TECTA: variants seen among roughly 807,000 people sequenced by gnomAD.
TECTA encodes the protein alpha-tectorin.
Under a neutral mutation model 216.8 loss-of-function variants are expected in TECTA, and 128 were observed. The observed-to-expected ratio is 0.59, with a 90% CI of 0.51 to 0.68. The LOEUF (loss-of-function observed/expected upper bound fraction) is 0.68, where lower values mean the gene tolerates loss of function less well. Among genes scored for constraint, TECTA ranks in the 30% least tolerant of loss-of-function variants. The pLI is 0.00. For missense variants in TECTA, 2,551 were observed against 2,786.2 expected (o/e 0.92, Z 1.90); for synonymous variants, 1,089 against 1,117.1 (o/e 0.97, Z 0.50).
intron 3 of TECTA, among the ~76,000 whole-genome samples, chr11:121,108,745 C>G (rs990046040): frequency 6.7e-6 from 1 of 149,470 alleles, no homozygotes; most frequent in Admixed American, 6.7e-5. Flanking sequence ...ACTTACACAC[C>G]TCACCCCAGT....
In TECTA at chr11:121,113,728, T is replaced by C. The variant is rs1946468414; in HGVS notation, c.790+10T>C. 6.2e-6 allele frequency: 10 copies of C among 1,612,888 alleles called. No homozygotes were observed. Among genetic ancestry groups the C allele is most frequent in the Non-Finnish European group, 8.5e-6 (10 of 1,179,936 alleles). ...GGCTGCACCTCAAGGGGTAAAGCTT[T>C]TCCTCTGTCTGTGGCAAGGCAGGGT... On this transcript the variant is annotated intron_variant, in intron 6 of 23. Transcript: ENST00000392793. The surrounding 1 kb of genome is among the most constrained non-coding windows in gnomAD (Gnocchi z 4.2).
intron 20 of TECTA, among the ~76,000 whole-genome samples, chr11:121,187,335 G>C (rs1317914404): frequency 6.6e-6 from 1 of 152,204 alleles, no homozygotes; most frequent in Admixed American, 6.5e-5. Context: ...ACATCAAAAC[G>C]ACTCTGCAGC....
In TECTA at chr11:121,157,948, G is replaced by A. The variant is rs986278585; in HGVS notation, c.4413G>A (p.Ala1471=). 24 of 1,613,914 alleles carry A rather than the reference G, an allele frequency of 1.5e-5. No homozygotes were observed. The highest frequency in any genetic ancestry group is 2.0e-5 in the Non-Finnish European group (24 of 1,180,012). Residue 1471 remains alanine (A), a synonymous_variant, in exon 14 of 24, where the codon GCG becomes GCA. Coordinates refer to ENST00000392793, the MANE Select transcript of TECTA (RefSeq NM_005422.4). The part of the protein sequence containing the change: ...PRQCKSDEEC[A]LRNGVRGCFS... ...AATGCAAGTCAGACGAGGAGTGTGC[G>A]CTGCGCAACGGGGTGCGCGGCTGCT...
At chr11:121,158,951 C>A (rs1432191518) in intron 14 of TECTA, among the ~76,000 whole-genome samples, 1 of 152,202 alleles carries the variant, frequency 6.6e-6, no homozygotes, top group Non-Finnish European at 1.5e-5. Context: ...GACGGTGACC[C>A]AGCCTCTCAG....
intron 1 of TECTA, 58 bp from the exon 2 acceptor site, chr11:121,102,607 G>A (rs1946356174): frequency 8.7e-6 from 12 of 1,372,856 alleles, no homozygotes; most frequent in Middle Eastern, 2.0e-4. Context: ...CACACCTGGT[G>A]TTCTGTTTAC....
At chr11:121,153,171 A>G in intron 13 of TECTA, 91 bp downstream of exon 13, 1 of 1,456,078 alleles carries the variant, frequency 6.9e-7, no homozygotes, top group East Asian at 2.5e-5. Flanking sequence ...CAATTTTCCC[A>G]CTTCATTATG....
chr11:121,105,684 A>G lies in TECTA; in HGVS notation c.65-147A>G. ...GAAGATACTGCGCTGTGTATGGCCT[A>G]GGTTTAGGATGAATGACAGGGCAGT... On this transcript the variant is annotated intron_variant, in intron 2 of 23. Transcript: ENST00000392793. The surrounding 1 kb of genome is among the most constrained non-coding windows in gnomAD (Gnocchi z 5.3). The G allele has an allele frequency of 3.0e-6, 3 of 1,006,468 alleles. No homozygotes were observed. Among genetic ancestry groups the G allele is most frequent in the South Asian group, 2.7e-5 (2 of 72,754 alleles). The allele number at this position is 1,006,468 out of a possible 1,614,324, so 62.3% of individuals were successfully genotyped here.
At chr11:121,168,356 A>G in intron 19 of TECTA, 139 bp downstream of exon 19, 2 of 1,210,364 alleles carry the variant, frequency 1.7e-6, no homozygotes, top group Non-Finnish European at 2.4e-6. Flanking sequence ...AATGCTTTCA[A>G]CCAACATTGT....
chr11:121,112,801 C>G (rs1946454360), intron 4 of TECTA, among the ~76,000 whole-genome samples: 1 of 152,230 alleles, frequency 6.6e-6, no homozygotes, highest in South Asian at 2.1e-4. Context: ...AATTTTCTGT[C>G]TGGTAGAAGT....
At chr11:121,102,547 T>C in intron 1 of TECTA, 118 bp from the exon 2 acceptor site, 10 of 795,378 alleles carry the variant, frequency 1.3e-5, no homozygotes, top group South Asian at 1.1e-4. Context: ...GATGTTGTTA[T>C]GTGAATTTGT....
At chr11:121,143,717 G>GTCCCC (rs1345359809) in intron 11 of TECTA, among the ~76,000 whole-genome samples, 2 of 152,234 alleles carry the variant, frequency 1.3e-5, no homozygotes, top group East Asian at 3.8e-4. Flanking sequence ...AGAGCAGATA[G>GTCCCC]TTGAGTTTTG....
chr11:121,138,505 C>A (rs1442795590), intron 11 of TECTA, among the ~76,000 whole-genome samples: 1 of 152,202 alleles, frequency 6.6e-6, no homozygotes, highest in Non-Finnish European at 1.5e-5. Context: ...TTCTGGCCTC[C>A]CTCCGTCTCT....
Position 121,137,758 on chromosome 11 carries a change from A to G in TECTA, c.3279A>G (p.Gln1093=), listed in dbSNP as rs745822211. ...AGGAAGGTGGCCTGTACTACTGCCA[A>G]GCCCGCACCGACGCCTCCTGCATCG... ...CMEEGGLYYC[Q]ARTDASCIVS... is the part of the protein sequence containing the mutation. The change falls in exon 11 of 24, where the codon CAA becomes CAG. Residue 1093 remains glutamine (Q), a synonymous_variant. Coordinates refer to ENST00000392793, the MANE Select transcript of TECTA (RefSeq NM_005422.4). 1 of 1,614,176 alleles carries G rather than the reference A, an allele frequency of 6.2e-7. No homozygotes were observed. The highest frequency in any genetic ancestry group is 1.1e-5 in the South Asian group (1 of 91,082).
intron 20 of TECTA, among the ~76,000 whole-genome samples, chr11:121,176,428 A>G (rs974328060): frequency 5.0e-5 from 7 of 139,456 alleles, no homozygotes; most frequent in Non-Finnish European, 9.1e-5. Flanking sequence ...AAAGTATTTT[A>G]TTTCTCCTTC....
At chr11:121,186,832 C>T (rs1947293160) in intron 20 of TECTA, among the ~76,000 whole-genome samples, 1 of 152,168 alleles carries the variant, frequency 6.6e-6, no homozygotes, top group Non-Finnish European at 1.5e-5. Flanking sequence ...TTATCTTTAT[C>T]ATTTTAAAGA....
chr11:121,182,478 G>A (rs998698369), intron 20 of TECTA, among the ~76,000 whole-genome samples: 6 of 152,198 alleles, frequency 3.9e-5, no homozygotes, highest in African/African-American at 1.4e-4. Flanking sequence ...GACAGGGTAG[G>A]GCAATCCATA....
chr11:121,106,087 G>C lies in TECTA; in HGVS notation c.198+123G>C, dbSNP rs1189401031. On this transcript the variant is annotated intron_variant, in intron 3 of 23. Coordinates refer to ENST00000392793, the MANE Select transcript of TECTA (RefSeq NM_005422.4). ...GGGAGGATTTATTGGCAGCCAAAAC[G>C]ACAAGTTCTGAGATTTCATGAGCTG... is the stretch of plus-strand genomic sequence containing the variant. 10 of 1,451,140 alleles carry C rather than the reference G, an allele frequency of 6.9e-6. No homozygotes were observed. The Admixed American group carries it at 1.7e-4, about 25-fold the overall frequency. The allele number at this position is 1,451,140 out of a possible 1,614,324, so 89.9% of individuals were successfully genotyped here.
chr11:121,146,120 A>G lies in TECTA; in HGVS notation c.4105+4A>G. The G allele has an allele frequency of 1.2e-6, 2 of 1,605,984 alleles. No individual in the cohort carries two copies. The highest frequency in any genetic ancestry group is 1.7e-6 in the Non-Finnish European group (2 of 1,179,986). Reference sequence around the variant, plus strand: ...TGGAGGAATTACACGTCCTGCAGTGAGTCCTTCTCGTTGTCCCTCCTTGTA... The same window carrying G: ...TGGAGGAATTACACGTCCTGCAGTGGGTCCTTCTCGTTGTCCCTCCTTGTA... On this transcript the variant is annotated splice_donor_region_variant and intron_variant, in intron 12 of 23. Transcript: ENST00000392793.
chr11:121,116,908 A>G (rs1371338618), intron 6 of TECTA, among the ~76,000 whole-genome samples: 1 of 152,232 alleles, frequency 6.6e-6, no homozygotes, highest in African/African-American at 2.4e-5. Flanking sequence ...GGGCTGATGC[A>G]CATGACTTAT....
Sources: allele counts gnomAD v4.1 joint callset (sites outside exome capture counted in the v4.1 genomes callset), GRCh38; gene constraint gnomAD v4.1.1; non-coding constraint Gnocchi (gnomAD v3.1); transcripts MANE v1.5; gene names NCBI Gene and HGNC (gene_info 2026-07-23, HGNC 2026-07-21).